KCNK10: variants seen among roughly 807,000 people sequenced by gnomAD.
KCNK10 encodes the protein potassium two pore domain channel subfamily K member 10.
In KCNK10, 25 loss-of-function variants were observed where a neutral mutation model predicts 47.7. That is an observed-to-expected ratio of 0.52 (90% confidence interval 0.38 to 0.73). KCNK10 has a LOEUF of 0.73. KCNK10 is among the 30% of genes least tolerant of loss of function. The pLI, the probability that KCNK10 is intolerant of heterozygous loss-of-function variation, is 0.00. For missense variants in KCNK10, 563 were observed against 714.5 expected (o/e 0.79, Z 2.42); for synonymous variants, 303 against 285.6 (o/e 1.06, Z -0.61).
At chr14:88,193,783 C>A (rs1435428727) in intron 4 of KCNK10, among the ~76,000 whole-genome samples, 1 of 152,164 alleles carries the variant, frequency 6.6e-6, no homozygotes, top group East Asian at 1.9e-4. Context: ...GTAATTAATT[C>A]TCAGTCCAGT....
chr14:88,187,961 T>C lies in KCNK10; in HGVS notation c.1011+6A>G. 1 of 1,613,610 alleles carries C rather than the reference T, an allele frequency of 6.2e-7. No homozygotes were observed. The highest frequency in any genetic ancestry group is 8.5e-7 in the Non-Finnish European group (1 of 1,179,912). ...GAACATTCATAGGGTTAGGAAGGGG[T>C]CCTACCTCTTCTTTTGTCTTTTTGG... On this transcript the variant is annotated splice_donor_region_variant and intron_variant, in intron 6 of 6. Coordinates refer to ENST00000319231, the MANE Select transcript of KCNK10 (RefSeq NM_138317.3).
rs1884340698 is a variant in KCNK10 at position 88,181,360 on chromosome 14, T to C, written c.*4175A>G. On this transcript the variant is annotated 3_prime_UTR_variant, in exon 7 of 7. Coordinates refer to ENST00000319231, the MANE Select transcript of KCNK10 (RefSeq NM_138317.3). ...TAGGACTTTAAACATGGAATGGTCC[T>C]TATAGAACCCAAAGCAGCCATTTCC... is the stretch of plus-strand genomic sequence containing the variant. 1 of 152,304 alleles carries C rather than the reference T, an allele frequency of 6.6e-6. No homozygotes were observed. The highest frequency in any genetic ancestry group is 2.4e-5 in the African/African-American group (1 of 41,350). 9.4% of individuals were successfully genotyped at this position (152,304 alleles called of 1,614,324 possible).
chr14:88,315,696 G>A (rs1888416942), intron 1 of KCNK10, among the ~76,000 whole-genome samples: 1 of 152,044 alleles, frequency 6.6e-6, no homozygotes, highest in Admixed American at 6.6e-5. Flanking sequence ...GTCTGCAAAG[G>A]TTACCGTGAC....
At chr14:88,231,139 G>C (rs1190470529) in intron 3 of KCNK10, among the ~76,000 whole-genome samples, 1 of 152,036 alleles carries the variant, frequency 6.6e-6, no homozygotes, top group South Asian at 2.1e-4. Context: ...AATTAGCCCG[G>C]CATGGTGGTG....
intron 2 of KCNK10, among the ~76,000 whole-genome samples, chr14:88,261,884 A>C (rs1189746450): frequency 6.6e-6 from 1 of 152,190 alleles, no homozygotes; most frequent in Non-Finnish European, 1.5e-5. Context: ...ATTATAGGGC[A>C]TAGCTATGAA....
chr14:88,256,068 G>C (rs1039522002), intron 2 of KCNK10, among the ~76,000 whole-genome samples: 4 of 152,176 alleles, frequency 2.6e-5, no homozygotes, highest in Non-Finnish European at 5.9e-5. Flanking sequence ...TAAGATTCTA[G>C]AGACGGATGC....
Position 88,181,624 on chromosome 14 carries a change from G to A in KCNK10, c.*3911C>T, listed in dbSNP as rs1005509074. The A allele has an allele frequency of 5.3e-5, 8 of 152,220 alleles. No individual in the cohort carries two copies. Among genetic ancestry groups the A allele is most frequent in the Admixed American group, 3.3e-4 (5 of 15,262 alleles). 9.4% of individuals were successfully genotyped at this position (152,220 alleles called of 1,614,324 possible). A position where few individuals can be genotyped will look rare whatever the true frequency, so the allele number is the denominator to read the frequency against. Reference sequence around the variant, plus strand: ...CTAAAGAGCTATAAGGGAGGATAGAGAGAGCCTACACAGGGCATGATCCGA... The same window carrying A: ...CTAAAGAGCTATAAGGGAGGATAGAAAGAGCCTACACAGGGCATGATCCGA... On this transcript the variant is annotated 3_prime_UTR_variant, in exon 7 of 7. Transcript: ENST00000319231.
At position 88,201,792 on chromosome 14, in the gene KCNK10, A is replaced by T. The variant is rs1326657279; in HGVS notation, c.682-9382T>A. Among the ~76,000 whole-genome samples the T allele has an allele frequency of 2.0e-5, 3 of 152,204 alleles. No homozygotes were observed. The East Asian group carries it at 5.8e-4, about 29-fold the overall frequency. On this transcript the variant is annotated intron_variant, in intron 4 of 6. Transcript: ENST00000319231. Reference sequence around the variant, plus strand: ...AATTAAGTTATATGCAAACTCTTTCATGGAGCTAAATGTAATGAATAAAGT... The same window carrying T: ...AATTAAGTTATATGCAAACTCTTTCTTGGAGCTAAATGTAATGAATAAAGT...
At chr14:88,307,330 C>CAG (rs1265945804) in intron 1 of KCNK10, among the ~76,000 whole-genome samples, 1 of 135,278 alleles carries the variant, frequency 7.4e-6, no homozygotes, top group Non-Finnish European at 1.6e-5. Flanking sequence ...AAGCTGATCA[C>CAG]ACACACACAC....
At chr14:88,188,451 T>C (rs74340842) in intron 5 of KCNK10, among the ~76,000 whole-genome samples, 7,918 of 152,322 alleles carry the variant, frequency 0.052, 486 homozygotes, top group East Asian at 0.25. Flanking sequence ...CTGGTTGTCA[T>C]TGTTTTTTCT....
At chr14:88,238,731 G>T (rs1886367120) in intron 3 of KCNK10, among the ~76,000 whole-genome samples, 1 of 152,182 alleles carries the variant, frequency 6.6e-6, no homozygotes, top group Non-Finnish European at 1.5e-5. Context: ...CTGTTTGGCA[G>T]AAGAGACTTA....
chr14:88,195,878 G>A (rs918895518), intron 4 of KCNK10, among the ~76,000 whole-genome samples: 1 of 152,196 alleles, frequency 6.6e-6, no homozygotes, highest in African/African-American at 2.4e-5. Context: ...ACAGAATGGA[G>A]CTGTGTTTCC....
chr14:88,308,170 C>T (rs753334099), intron 1 of KCNK10, among the ~76,000 whole-genome samples: 12 of 152,122 alleles, frequency 7.9e-5, no homozygotes, highest in South Asian at 2.1e-4. Flanking sequence ...AAGGTTCCCT[C>T]GATCACTAGG....
rs370354177 is a variant in KCNK10, at chr14:88,235,298, A to G, written c.520+5405T>C. On this transcript the variant is annotated intron_variant, in intron 3 of 6. Transcript: ENST00000319231. ...TTTGCCTGGGGCCAGGTATTTTAAA[A>G]AGAAGTTGACCCAGCATAAATATAA... 1.5e-5 allele frequency: 7 copies of G among 455,524 alleles called. No individual in the cohort carries two copies. In the East Asian group the frequency reaches 4.9e-4, roughly 32 times the overall value. 28.2% of individuals were successfully genotyped at this position (455,524 alleles called of 1,614,324 possible). A position where few individuals can be genotyped will look rare whatever the true frequency, so the allele number is the denominator to read the frequency against.
intron 1 of KCNK10, among the ~76,000 whole-genome samples, chr14:88,288,034 T>A (rs530402101): frequency 1.1e-4 from 17 of 152,220 alleles, no homozygotes; most frequent in Admixed American, 9.2e-4. Flanking sequence ...TTATGGCCAT[T>A]CTTGCAGGGG....
At chr14:88,302,281 T>G (rs934481062) in intron 1 of KCNK10, among the ~76,000 whole-genome samples, 2 of 152,198 alleles carry the variant, frequency 1.3e-5, no homozygotes, top group Non-Finnish European at 2.9e-5. Flanking sequence ...GAGGGACTGC[T>G]GAGATCACTC....
chr14:88,301,532 G>T (rs1264607632), intron 1 of KCNK10, among the ~76,000 whole-genome samples: 1 of 151,922 alleles, frequency 6.6e-6, no homozygotes, highest in African/African-American at 2.4e-5. Context: ...TACAACAGAG[G>T]GTGCCCAGCA....
intron 1 of KCNK10, among the ~76,000 whole-genome samples, chr14:88,296,061 T>A (rs1449480121): frequency 1.3e-5 from 2 of 152,218 alleles, no homozygotes; most frequent in African/African-American, 4.8e-5. Flanking sequence ...GAGGAAGTTA[T>A]TCCAGGTATT....
At chr14:88,245,061 T>A (rs1415907130) in intron 2 of KCNK10, among the ~76,000 whole-genome samples, 1 of 152,164 alleles carries the variant, frequency 6.6e-6, no homozygotes, top group Non-Finnish European at 1.5e-5. Flanking sequence ...CAGCACCCAC[T>A]CAGCTACCCA....
Sources: allele counts gnomAD v4.1 joint callset (sites outside exome capture counted in the v4.1 genomes callset), GRCh38; gene constraint gnomAD v4.1.1; transcripts MANE v1.5; gene names NCBI Gene and HGNC (gene_info 2026-07-23, HGNC 2026-07-21).